KIF2A: variants seen among roughly 807,000 people sequenced by gnomAD.
The protein encoded by KIF2A is kinesin family member 2A.
A neutral mutation model predicts 100.2 loss-of-function variants in KIF2A; 22 were observed. The ratio of observed to expected loss-of-function variants is 0.22; its 90% CI spans 0.16 to 0.31. The LOEUF is 0.31. KIF2A is among the 10% of genes least tolerant of loss of function. KIF2A has a pLI of 1.00. For missense variants in KIF2A, 495 were observed against 898.7 expected, an observed-to-expected ratio of 0.55 and a Z score of 5.74; for synonymous variants, 268 against 285.9, an observed-to-expected ratio of 0.94 and a Z score of 0.63.
intron 1 of KIF2A, among the ~76,000 whole-genome samples, chr5:62,323,406 C>G (rs1004388977): frequency 6.6e-6 from 1 of 151,752 alleles, no homozygotes; most frequent in African/African-American, 2.4e-5. Context: ...GCCTGTAGTC[C>G]TAGCTACTTG....
intron 1 of KIF2A, among the ~76,000 whole-genome samples, chr5:62,321,785 G>A (rs1746101984): frequency 6.6e-6 from 1 of 151,934 alleles, no homozygotes; most frequent in Non-Finnish European, 1.5e-5. Context: ...TCTCATACTT[G>A]TGGGCTCAAG....
Position 62,388,933 on chromosome 5 carries a change from A to C in KIF2A, c.*3364A>C, listed in dbSNP as rs1742162382. On this transcript the variant is annotated 3_prime_UTR_variant, in exon 21 of 21. Transcript: ENST00000407818. ...GTAAATAATGTCTCAGTAAAGCAAA[A>C]GCATTATCTTCTCAAATACAAAAAA... The C allele has an allele frequency of 7.3e-7, 1 of 1,366,130 alleles. No individual in the cohort carries two copies. Among genetic ancestry groups the C allele is most frequent in the Non-Finnish European group, 1.0e-6 (1 of 971,930 alleles). The allele number at this position is 1,366,130 out of a possible 1,614,324, so 84.6% of individuals were successfully genotyped here. A position where few individuals can be genotyped will look rare whatever the true frequency, so the allele number is the denominator to read the frequency against.
Position 62,387,413 on chromosome 5 carries a change from A to G in KIF2A, c.*1844A>G, listed in dbSNP as rs1040849640. Reference sequence around the variant, plus strand: ...ATTTGCTCATTTTAAAGCACAACAGATGATTAGCTTCAAATTTATTATTTG... The same window carrying G: ...ATTTGCTCATTTTAAAGCACAACAGGTGATTAGCTTCAAATTTATTATTTG... On this transcript the variant is annotated 3_prime_UTR_variant, in exon 21 of 21. Coordinates refer to ENST00000407818, the MANE Select transcript of KIF2A (RefSeq NM_001098511.3). The G allele has an allele frequency of 1.3e-5, 2 of 152,172 alleles. No individual in the cohort carries two copies. Among genetic ancestry groups the G allele is most frequent in the Non-Finnish European group, 2.9e-5 (2 of 68,040 alleles). 9.4% of individuals were successfully genotyped at this position (152,172 alleles called of 1,614,324 possible).
rs1742160845 is a variant in KIF2A, at chr5:62,388,893, AC to A, written c.*3326del. The A allele has an allele frequency of 1.0e-6, 1 of 983,100 alleles. No homozygotes were observed. The highest frequency in any genetic ancestry group is 1.5e-6 in the Non-Finnish European group (1 of 648,200). 60.9% of individuals were successfully genotyped at this position (983,100 alleles called of 1,614,324 possible). On this transcript the variant is annotated 3_prime_UTR_variant, in exon 21 of 21. Coordinates refer to ENST00000407818, the MANE Select transcript of KIF2A (RefSeq NM_001098511.3). The stretch of plus-strand genomic sequence containing the variant: ...ATGGTGACAACAGTAGTAGTATTGA[AC>A]CAAAAATAGTCAAGTAAATAATGTC...
intron 1 of KIF2A, among the ~76,000 whole-genome samples, chr5:62,345,206 G>A (rs759423217): frequency 1.3e-5 from 2 of 152,114 alleles, no homozygotes; most frequent in Non-Finnish European, 2.9e-5. Context: ...TGGCCAACAT[G>A]GTGAAACCCC....
intron 1 of KIF2A, among the ~76,000 whole-genome samples, chr5:62,310,481 G>A (rs1470714132): frequency 6.6e-6 from 1 of 152,016 alleles, no homozygotes; most frequent in Admixed American, 6.5e-5. Flanking sequence ...TGGATTTTTT[G>A]TTTTCAAACA....
At chr5:62,354,384 C>G (rs1311285689) in intron 6 of KIF2A, among the ~76,000 whole-genome samples, 1 of 152,018 alleles carries the variant, frequency 6.6e-6, no homozygotes, top group East Asian at 1.9e-4. Context: ...GTTTCAGTAA[C>G]AGTTTGTAAT....
At chr5:62,338,852 C>T (rs1459231597) in intron 1 of KIF2A, among the ~76,000 whole-genome samples, 1 of 152,046 alleles carries the variant, frequency 6.6e-6, no homozygotes, top group Non-Finnish European at 1.5e-5. Context: ...AGAGAAATAG[C>T]CCAAACAAAG....
intron 19 of KIF2A, among the ~76,000 whole-genome samples, chr5:62,378,726 TG>T (rs1239373847): frequency 6.6e-6 from 1 of 152,134 alleles, no homozygotes; most frequent in Non-Finnish European, 1.5e-5. Flanking sequence ...AAGACTAGCC[TG>T]GGCAACATGG....
chr5:62,382,907 G>A, intron 20 of KIF2A, among the ~76,000 whole-genome samples: 1 of 149,654 alleles, frequency 6.7e-6, no homozygotes, highest in Non-Finnish European at 1.5e-5. Flanking sequence ...GATTACAGAT[G>A]TGAGGCACCG....
intron 1 of KIF2A, chr5:62,307,197 AAT>A (rs1348876221): frequency 3.3e-5 from 5 of 152,270 alleles, no homozygotes; most frequent in African/African-American, 1.2e-4. Context: ...AATGGGAAGA[AAT>A]ATTCGATGGG....
At position 62,306,282 on chromosome 5, in the gene KIF2A, C is replaced by T; in HGVS notation, c.-191C>T. 3.6e-6 allele frequency: 2 copies of T among 551,906 alleles called. No individual in the cohort carries two copies. The highest frequency in any genetic ancestry group is 3.2e-6 in the Non-Finnish European group (1 of 313,114). The allele number at this position is 551,906 out of a possible 1,614,324, so 34.2% of individuals were successfully genotyped here. On this transcript the variant is annotated 5_prime_UTR_variant, in exon 1 of 21. Coordinates refer to ENST00000407818, the MANE Select transcript of KIF2A (RefSeq NM_001098511.3). The stretch of plus-strand genomic sequence containing the variant: ...CCGGCGTGCGCGTCCTCCTGCCGGC[C>T]TGCAGGCCCGGGGCCTCCGCCTGCT...
intron 16 of KIF2A, 75 bp downstream of exon 16, chr5:62,366,556 G>T: frequency 1.1e-6 from 1 of 908,564 alleles, no homozygotes; most frequent in South Asian, 1.5e-5. Flanking sequence ...TATCTGCCTC[G>T]TGCGGTGGCT....
chr5:62,378,842 G>C (rs1411820595), intron 19 of KIF2A, among the ~76,000 whole-genome samples: 10 of 152,086 alleles, frequency 6.6e-5, no homozygotes, highest in Admixed American at 6.6e-4. Flanking sequence ...TTGAGCCTGG[G>C]AGGTGGAAGT....
intron 18 of KIF2A, among the ~76,000 whole-genome samples, chr5:62,376,804 C>A (rs989607610): frequency 6.6e-6 from 1 of 151,990 alleles, no homozygotes; most frequent in African/African-American, 2.4e-5. Context: ...GAAGCTCTGA[C>A]TTGCTATAGG....
At position 62,389,751 on chromosome 5, in the gene KIF2A, T is replaced by C. The variant is rs1277934592; in HGVS notation, c.*4182T>C. Among the ~76,000 whole-genome samples, 1 of 152,146 alleles carries C rather than the reference T, an allele frequency of 6.6e-6. No individual in the cohort carries two copies. The highest frequency in any genetic ancestry group is 1.5e-5 in the Non-Finnish European group (1 of 68,028). On this transcript the variant is annotated 3_prime_UTR_variant, in exon 21 of 21. Coordinates refer to ENST00000407818, the MANE Select transcript of KIF2A (RefSeq NM_001098511.3). Reference sequence around the variant, plus strand: ...CCCTTCTTCCTCTCTTGAGCTGTTGTTTATATTCAAATTAAATACACATTG... The same window carrying C: ...CCCTTCTTCCTCTCTTGAGCTGTTGCTTATATTCAAATTAAATACACATTG...
At chr5:62,377,115 A>T (rs1741583348) in intron 18 of KIF2A, among the ~76,000 whole-genome samples, 1 of 152,240 alleles carries the variant, frequency 6.6e-6, no homozygotes, top group Non-Finnish European at 1.5e-5. Context: ...TGAATTGTCC[A>T]TTGAAATTTC....
intron 6 of KIF2A, 148 bp downstream of exon 6, chr5:62,353,523 ACT>A (rs1747956434): frequency 6.4e-6 from 3 of 470,240 alleles, no homozygotes; most frequent in Non-Finnish European, 1.2e-5. Flanking sequence ...AATAATATAA[ACT>A]CTTGTGCAAA....
intron 15 of KIF2A, 92 bp from the exon 16 acceptor site, chr5:62,366,322 G>A: frequency 2.7e-6 from 2 of 735,926 alleles, no homozygotes; most frequent in Non-Finnish European, 4.7e-6. Flanking sequence ...AATAACCATG[G>A]TAAGATTAGA....
Sources: gnomAD v4.1 joint callset for allele counts (sites outside exome capture counted in the v4.1 genomes callset) on GRCh38, gnomAD v4.1.1 for gene constraint, MANE v1.5 for transcripts, NCBI Gene and HGNC (gene_info 2026-07-23, HGNC 2026-07-21) for gene names.